The following BMP5 variants were observed in gnomAD, a reference collection of about 807,000 sequenced individuals.
BMP5 encodes bone morphogenetic protein 5.
A neutral mutation model predicts 46.6 loss-of-function variants in BMP5; 23 were observed. That is an observed-to-expected ratio of 0.49 (90% confidence interval 0.35 to 0.70). BMP5 has a LOEUF of 0.70. Ranked by LOEUF, BMP5 falls within the 30% of genes least tolerant of loss-of-function variation. The pLI, the probability that BMP5 is intolerant of heterozygous loss-of-function variation, is 0.00. For synonymous variants in BMP5, 204 were observed against 191.9 expected (o/e 1.06, Z -0.52); for missense variants, 545 against 565.6 (o/e 0.96, Z 0.37).
At chr6:55,789,830 T>C (rs1390360508) in intron 3 of BMP5, among the ~76,000 whole-genome samples, 3 of 152,140 alleles carry the variant, frequency 2.0e-5, no homozygotes, top group Admixed American at 1.3e-4. Context: ...GTTTGTATTA[T>C]TTTGCTGAAA....
chr6:55,765,848 C>A (rs1224308190), intron 4 of BMP5, among the ~76,000 whole-genome samples: 1 of 152,088 alleles, frequency 6.6e-6, no homozygotes, highest in Non-Finnish European at 1.5e-5. Context: ...AGCAAAGTAT[C>A]CATGTGGATC....
At chr6:55,862,867 C>T (rs1777555865) in intron 1 of BMP5, among the ~76,000 whole-genome samples, 1 of 152,100 alleles carries the variant, frequency 6.6e-6, no homozygotes, top group Admixed American at 6.6e-5. Context: ...TCCATAGGTT[C>T]TGTCAACTGG....
intron 4 of BMP5, 37 bp from the exon 5 acceptor site, chr6:55,760,570 T>C: frequency 6.4e-7 from 1 of 1,555,152 alleles, no homozygotes; most frequent in Non-Finnish European, 8.9e-7. Flanking sequence ...AAATGGTTGC[T>C]TACAGATATA....
At chr6:55,868,289 A>G (rs1236351380) in intron 1 of BMP5, among the ~76,000 whole-genome samples, 3 of 152,226 alleles carry the variant, frequency 2.0e-5, no homozygotes, top group Non-Finnish European at 4.4e-5. Context: ...AAAAGTTGCT[A>G]ATTTTTTTTC....
intron 1 of BMP5, among the ~76,000 whole-genome samples, chr6:55,837,199 G>T (rs1387383960): frequency 6.6e-6 from 1 of 151,714 alleles, no homozygotes; most frequent in Non-Finnish European, 1.5e-5. Context: ...CTATGGGTGT[G>T]GGCGACCACA....
chr6:55,866,424 T>C (rs1777641358), intron 1 of BMP5, among the ~76,000 whole-genome samples: 2 of 152,194 alleles, frequency 1.3e-5, no homozygotes, highest in African/African-American at 4.8e-5. Flanking sequence ...ATTCTAACAT[T>C]ATTTATGCCT....
In BMP5 at chr6:55,760,530, T is replaced by C. The variant is rs374187646; in HGVS notation, c.1031A>G (p.Tyr344Cys). 64 of 1,612,792 alleles carry C rather than the reference T, an allele frequency of 4.0e-5. No homozygotes were observed. The highest frequency in any genetic ancestry group is 1.0e-4 in the Admixed American group (6 of 59,890). The change falls in exon 5 of 7, where the codon TAT becomes TGT. Residue 344 changes from tyrosine (Y) to cysteine (C), a missense_variant. Transcript: ENST00000370830. ...GGCTTGTTTTTGCTCACTTGTGTTA[T>C]AATCTGAAGATAAAAACCACATTTT... Reference protein sequence around the residue: ...DSSRMSSVGDYNTSEQKQACK... With the variant: ...DSSRMSSVGDCNTSEQKQACK...
intron 3 of BMP5, among the ~76,000 whole-genome samples, chr6:55,785,246 A>G (rs1464823589): frequency 6.6e-6 from 1 of 151,882 alleles, no homozygotes; most frequent in Non-Finnish European, 1.5e-5. Context: ...AAAAGAGGAT[A>G]TTTGTATAGA....
chr6:55,779,842 C>G (rs1775264754), intron 3 of BMP5, among the ~76,000 whole-genome samples: 1 of 151,132 alleles, frequency 6.6e-6, no homozygotes, highest in Non-Finnish European at 1.5e-5. Flanking sequence ...CTCCTTATTA[C>G]TTTCTTGTTT....
At chr6:55,834,692 C>A (rs931709684) in intron 1 of BMP5, among the ~76,000 whole-genome samples, 1 of 152,070 alleles carries the variant, frequency 6.6e-6, no homozygotes, top group African/African-American at 2.4e-5. Flanking sequence ...TTTACAAACC[C>A]TCATTGACTT....
intron 1 of BMP5, among the ~76,000 whole-genome samples, chr6:55,864,920 A>C (rs185154552): frequency 6.6e-6 from 1 of 152,164 alleles, no homozygotes; most frequent in East Asian, 1.9e-4. Flanking sequence ...AAAAAAACCC[A>C]AACAAATCGT....
At chr6:55,756,213 C>T (rs1446569310) in intron 6 of BMP5, among the ~76,000 whole-genome samples, 2 of 151,794 alleles carry the variant, frequency 1.3e-5, no homozygotes, top group African/African-American at 4.8e-5. Flanking sequence ...ACATATAATC[C>T]AATACTTGCC....
At chr6:55,788,452 T>A (rs1194981611) in intron 3 of BMP5, among the ~76,000 whole-genome samples, 1 of 151,838 alleles carries the variant, frequency 6.6e-6, no homozygotes, top group Non-Finnish European at 1.5e-5. Flanking sequence ...AGAATATACA[T>A]CAATCTGACC....
At chr6:55,854,746 C>G (rs887014549) in intron 1 of BMP5, among the ~76,000 whole-genome samples, 10 of 152,170 alleles carry the variant, frequency 6.6e-5, no homozygotes, top group African/African-American at 2.4e-4. Flanking sequence ...ATCATCCTTT[C>G]ATTTCTAGAA....
intron 2 of BMP5, among the ~76,000 whole-genome samples, chr6:55,809,716 A>C: frequency 6.6e-6 from 1 of 152,032 alleles, no homozygotes; most frequent in East Asian, 1.9e-4. Context: ...AAAAGGAGAA[A>C]CCAATAGGAT....
At chr6:55,795,627 A>C (rs1206095385) in intron 2 of BMP5, among the ~76,000 whole-genome samples, 2 of 152,156 alleles carry the variant, frequency 1.3e-5, no homozygotes, top group Non-Finnish European at 2.9e-5. Flanking sequence ...TTTAACAAAA[A>C]CAAAGTTAAA....
intron 2 of BMP5, among the ~76,000 whole-genome samples, chr6:55,810,300 A>C (rs1776097337): frequency 6.6e-6 from 1 of 152,248 alleles, no homozygotes; most frequent in African/African-American, 2.4e-5. Context: ...AAACTGGTAA[A>C]ATAGTAATAT....
chr6:55,755,824 G>T, intron 6 of BMP5, 142 bp from the exon 7 acceptor site: 1 of 808,260 alleles, frequency 1.2e-6, no homozygotes, highest in Non-Finnish European at 2.0e-6. Flanking sequence ...TCCATGACTG[G>T]GGTGGGGGAC....
At chr6:55,868,290 A>T (rs1251939433) in intron 1 of BMP5, among the ~76,000 whole-genome samples, 1 of 152,042 alleles carries the variant, frequency 6.6e-6, no homozygotes, top group East Asian at 1.9e-4. Context: ...AAAGTTGCTA[A>T]TTTTTTTTCT....
Sources: gnomAD v4.1 joint callset for allele counts (sites outside exome capture counted in the v4.1 genomes callset) on GRCh38, gnomAD v4.1.1 for gene constraint, MANE v1.5 for transcripts, NCBI Gene and HGNC (gene_info 2026-07-23, HGNC 2026-07-21) for gene names.